Variants in MGAT5 observed in about 807,000 individuals in gnomAD.
MGAT5 encodes alpha-1,6-mannosylglycoprotein 6-beta-N-acetylglucosaminyltransferase A.
A neutral mutation model predicts 94.3 loss-of-function variants in MGAT5; 30 were observed. That is an observed-to-expected ratio of 0.32 (90% confidence interval 0.24 to 0.43). The LOEUF (loss-of-function observed/expected upper bound fraction) is 0.43. Among genes scored for constraint, MGAT5 ranks in the 20% least tolerant of loss-of-function variants. The probability of loss-of-function intolerance (pLI) is 1.00; values close to 1 mark genes in which losing one functional copy is unlikely to be tolerated. For synonymous variants in MGAT5, 310 were observed against 322.9 expected (o/e 0.96, Z 0.43); for missense variants, 691 against 905.5 (o/e 0.76, Z 3.04).
intron 1 of MGAT5, among the ~76,000 whole-genome samples, chr2:134,151,066 C>T (rs182868798): frequency 3.9e-5 from 6 of 152,230 alleles, no homozygotes; most frequent in Admixed American, 3.9e-4. Flanking sequence ...TGGAAAGATT[C>T]AAGGTTGGGG....
In MGAT5 at chr2:134,335,211, C is replaced by CAT. The variant is rs1377117223; in HGVS notation, c.574-1005_574-1004insTA. Among the ~76,000 whole-genome samples, 22 of 8,854 alleles carry CAT rather than the reference C, an allele frequency of 2.5e-3. No individual in the cohort carries two copies. In the East Asian group the frequency reaches 0.38, roughly 153 times the overall value. 5.8% of individuals were successfully genotyped at this position (8,854 alleles called of 152,430 possible). A position where few individuals can be genotyped will look rare whatever the true frequency, so the allele number is the denominator to read the frequency against. On this transcript the variant is annotated intron_variant, in intron 4 of 15. Transcript: ENST00000281923. ...GCTGACCCATGAGGCTATAGCTCCACACGTCTCTGCTATCTTAGTGACCCC... is the reference window on the plus strand; with the variant it reads ...GCTGACCCATGAGGCTATAGCTCCACATACGTCTCTGCTATCTTAGTGACCCC...
chr2:134,291,977 T>A (rs1685393865), intron 2 of MGAT5, among the ~76,000 whole-genome samples: 1 of 152,224 alleles, frequency 6.6e-6, no homozygotes, highest in South Asian at 2.1e-4. Flanking sequence ...CGTCTCAGAT[T>A]CATTAACTCA....
In MGAT5 at chr2:134,450,398, T is replaced by G. The variant is rs960725054; in HGVS notation, c.*1551T>G. ...GGCAGAACTGATGGGCAAGGCGTAATGGCTGGTAGCTTTCAGAATGTGAGG... is the reference window on the plus strand; with the variant it reads ...GGCAGAACTGATGGGCAAGGCGTAAGGGCTGGTAGCTTTCAGAATGTGAGG... On this transcript the variant is annotated 3_prime_UTR_variant, in exon 16 of 16. Transcript: ENST00000281923. 5 of 152,226 alleles carry G rather than the reference T, an allele frequency of 3.3e-5. No homozygotes were observed. The highest frequency in any genetic ancestry group is 1.2e-4 in the African/African-American group (5 of 41,442). 9.4% of individuals were successfully genotyped at this position (152,226 alleles called of 1,614,324 possible).
At chr2:134,168,115 G>A (rs1185946245) in intron 1 of MGAT5, among the ~76,000 whole-genome samples, 2 of 152,170 alleles carry the variant, frequency 1.3e-5, no homozygotes, top group African/African-American at 2.4e-5. Context: ...ATTTATTGTT[G>A]CATTAAAGCA....
intron 1 of MGAT5, among the ~76,000 whole-genome samples, chr2:134,155,415 T>C (rs1185709884): frequency 6.6e-6 from 1 of 152,222 alleles, no homozygotes; most frequent in Non-Finnish European, 1.5e-5. Context: ...TCTGATTGTG[T>C]TTCAGTCCTT....
At chr2:134,256,064 T>A (rs930593151) in intron 1 of MGAT5, among the ~76,000 whole-genome samples, 1 of 152,238 alleles carries the variant, frequency 6.6e-6, no homozygotes, top group Non-Finnish European at 1.5e-5. Flanking sequence ...ATAATCACAC[T>A]CTGCATTTAA....
chr2:134,258,445 A>G (rs1683119596), intron 1 of MGAT5, among the ~76,000 whole-genome samples: 1 of 152,246 alleles, frequency 6.6e-6, no homozygotes, highest in South Asian at 2.1e-4. Flanking sequence ...AAAGAAAGCC[A>G]TGCCCATTTA....
intron 2 of MGAT5, among the ~76,000 whole-genome samples, chr2:134,286,230 G>A (rs945743163): frequency 1.3e-5 from 2 of 152,118 alleles, no homozygotes; most frequent in African/African-American, 4.8e-5. Flanking sequence ...GATGCTTTCT[G>A]CCCTCCTGTG....
chr2:134,335,769 G>T (rs1288576236), intron 4 of MGAT5, among the ~76,000 whole-genome samples: 1 of 152,088 alleles, frequency 6.6e-6, no homozygotes, highest in Non-Finnish European at 1.5e-5. Flanking sequence ...GAGTTCTGTG[G>T]CTCCAATGCC....
At chr2:134,258,368 C>T (rs1683115611) in intron 1 of MGAT5, among the ~76,000 whole-genome samples, 1 of 152,236 alleles carries the variant, frequency 6.6e-6, no homozygotes, top group African/African-American at 2.4e-5. Context: ...CCAGGACTCC[C>T]ATGGTCTAAG....
intron 10 of MGAT5, among the ~76,000 whole-genome samples, chr2:134,387,009 C>T (rs2106229687): frequency 6.6e-6 from 1 of 152,048 alleles, no homozygotes; most frequent in East Asian, 1.9e-4. Context: ...CACATGTAAT[C>T]CCATCACTTT....
At chr2:134,353,814 TG>T (rs1679546268) in intron 9 of MGAT5, among the ~76,000 whole-genome samples, 1 of 152,054 alleles carries the variant, frequency 6.6e-6, no homozygotes, top group Non-Finnish European at 1.5e-5. Flanking sequence ...GGAGGAAATA[TG>T]GAAATGAATA....
intron 1 of MGAT5, among the ~76,000 whole-genome samples, chr2:134,131,921 C>A (rs893626921): frequency 4.6e-5 from 7 of 152,200 alleles, no homozygotes; most frequent in Non-Finnish European, 8.8e-5. Flanking sequence ...TCATCATAGA[C>A]CAGCCAATGC....
chr2:134,296,332 G>A lies in MGAT5; in HGVS notation c.407-21197G>A, dbSNP rs1290603548. Among the ~76,000 whole-genome samples the A allele has an allele frequency of 4.6e-5, 7 of 152,282 alleles. No individual in the cohort carries two copies. In the East Asian group the frequency reaches 1.2e-3, roughly 25 times the overall value. Reference sequence around the variant, plus strand: ...AATTTATGGGCATTAAAGAAATGCCGAATATTAAATTACTTGGTTTGGTAT... The same window carrying A: ...AATTTATGGGCATTAAAGAAATGCCAAATATTAAATTACTTGGTTTGGTAT... On this transcript the variant is annotated intron_variant, in intron 2 of 15. Transcript: ENST00000281923.
intron 2 of MGAT5, among the ~76,000 whole-genome samples, chr2:134,281,848 A>G (rs2105721231): frequency 6.6e-6 from 1 of 152,368 alleles, no homozygotes; most frequent in African/African-American, 2.4e-5. Context: ...TGTGAACAGT[A>G]CAAGTTATAG....
chr2:134,281,014 G>A (rs1684659090), intron 2 of MGAT5, among the ~76,000 whole-genome samples: 1 of 152,220 alleles, frequency 6.6e-6, no homozygotes, highest in Admixed American at 6.5e-5. Context: ...GGCAGTCACA[G>A]CCTGGACCTG....
rs990856218 is a variant in MGAT5 at position 134,435,972 on chromosome 2, G to T, written c.1870-5786G>T. Among the ~76,000 whole-genome samples, 4 of 152,180 alleles carry T rather than the reference G, an allele frequency of 2.6e-5. No individual in the cohort carries two copies. In the East Asian group the frequency reaches 7.7e-4, roughly 29 times the overall value. On this transcript the variant is annotated intron_variant, in intron 14 of 15. Transcript: ENST00000281923. ...CCATTTCAGTTGTGCCCTAAAAGCA[G>T]CTGGGCCAAAAGGTGGATCTTGTGG...
At chr2:134,151,948 CCTCA>C (rs67138608) in intron 1 of MGAT5, among the ~76,000 whole-genome samples, 16,440 of 115,012 alleles carry the variant, frequency 0.14, 2,597 homozygotes, top group Non-Finnish European at 0.23. Flanking sequence ...CGCCATGGGA[CCTCA>C]CTCACTCAAG....
At chr2:134,272,606 A>T (rs764025950) in intron 2 of MGAT5, among the ~76,000 whole-genome samples, 2 of 152,212 alleles carry the variant, frequency 1.3e-5, no homozygotes, top group Non-Finnish European at 2.9e-5. Context: ...GAGGAAACTA[A>T]CATTTAGTAG....
Sources: allele counts gnomAD v4.1 joint callset (sites outside exome capture counted in the v4.1 genomes callset), GRCh38; gene constraint gnomAD v4.1.1; transcripts MANE v1.5; gene names NCBI Gene and HGNC (gene_info 2026-07-23, HGNC 2026-07-21).